SERGEF: variants seen among roughly 807,000 people sequenced by gnomAD.
SERGEF encodes the protein secretion regulating guanine nucleotide exchange factor.
SERGEF carries 51 observed loss-of-function variants against 50.0 expected under a neutral mutation model. The observed-to-expected ratio is 1.02, with a 90% CI of 0.81 to 1.29. SERGEF has a LOEUF of 1.29. SERGEF is among the 50% of genes most tolerant of loss of function. The pLI, the probability that SERGEF is intolerant of heterozygous loss-of-function variation, is 0.00. For synonymous variants in SERGEF, 205 were observed against 212.4 expected (o/e 0.97, Z 0.30); for missense variants, 521 against 557.0 (o/e 0.94, Z 0.65).
intron 8 of SERGEF, among the ~76,000 whole-genome samples, chr11:17,964,660 G>A (rs1237067406): frequency 2.0e-5 from 3 of 152,150 alleles, no homozygotes; most frequent in African/African-American, 7.2e-5. Context: ...TAATATTCCA[G>A]GATGTTACAA....
intron 8 of SERGEF, among the ~76,000 whole-genome samples, chr11:17,986,864 G>A (rs932367861): frequency 9.9e-5 from 15 of 152,150 alleles, no homozygotes; most frequent in Admixed American, 6.5e-5. Flanking sequence ...ATCTCATACT[G>A]GAATGTAGTA....
At chr11:17,794,762 T>C (rs924743198) in intron 10 of SERGEF, among the ~76,000 whole-genome samples, 6 of 152,224 alleles carry the variant, frequency 3.9e-5, no homozygotes, top group African/African-American at 1.4e-4. Flanking sequence ...ACAGTCTGGC[T>C]CCAGGCCCTC....
chr11:17,810,740 A>G (rs1203245841), intron 10 of SERGEF, among the ~76,000 whole-genome samples: 1 of 152,042 alleles, frequency 6.6e-6, no homozygotes, highest in Non-Finnish European at 1.5e-5. Flanking sequence ...CTCAGGAAAT[A>G]GAATCCTTAA....
intron 5 of SERGEF, 148 bp from the exon 6 acceptor site, chr11:17,996,057 C>T (rs1853831773): frequency 1.5e-6 from 1 of 645,798 alleles, no homozygotes; most frequent in African/African-American, 1.8e-5. Flanking sequence ...TCAAGAGGTC[C>T]TGTAACTGGC....
intron 8 of SERGEF, among the ~76,000 whole-genome samples, chr11:17,981,763 C>G (rs1422733787): frequency 6.6e-6 from 1 of 152,146 alleles, no homozygotes; most frequent in Non-Finnish European, 1.5e-5. Flanking sequence ...TATGGCTGCA[C>G]TCTTCAGGTA....
chr11:17,848,178 C>T (rs1590153674), intron 10 of SERGEF, among the ~76,000 whole-genome samples: 1 of 152,102 alleles, frequency 6.6e-6, no homozygotes. Flanking sequence ...GAGATGGAAA[C>T]AAACAAGAAG....
intron 10 of SERGEF, among the ~76,000 whole-genome samples, chr11:17,859,528 A>G (rs1245760475): frequency 6.6e-6 from 1 of 152,208 alleles, no homozygotes; most frequent in Non-Finnish European, 1.5e-5. Context: ...ATTGTAAAAC[A>G]ATTTCAAGAA....
intron 9 of SERGEF, among the ~76,000 whole-genome samples, chr11:17,906,232 T>C (rs1030365889): frequency 4.6e-5 from 7 of 152,074 alleles, no homozygotes; most frequent in Non-Finnish European, 7.4e-5. Context: ...ACTGAAACAT[T>C]ACCAACCCTT....
At chr11:17,874,267 G>C (rs1481911348) in intron 10 of SERGEF, 1 of 152,212 alleles carries the variant, frequency 6.6e-6, no homozygotes, top group Non-Finnish European at 1.5e-5. Context: ...TCATGATGTC[G>C]ATTTTACAAA....
chr11:17,887,233 ATAAGGCAT>A (rs1034188680), intron 9 of SERGEF, among the ~76,000 whole-genome samples: 93 of 152,330 alleles, frequency 6.1e-4, no homozygotes, highest in African/African-American at 2.2e-3. Flanking sequence ...TTGTTCTTTT[ATAAGGCAT>A]TTGCTTCACC....
chr11:17,862,650 A>G (rs923513632), intron 10 of SERGEF, among the ~76,000 whole-genome samples: 1 of 152,228 alleles, frequency 6.6e-6, no homozygotes, highest in Non-Finnish European at 1.5e-5. Context: ...GACAGCAGTC[A>G]TAGGACAGGT....
chr11:17,829,835 G>T (rs190819041), intron 10 of SERGEF, among the ~76,000 whole-genome samples: 4 of 152,222 alleles, frequency 2.6e-5, no homozygotes, highest in Non-Finnish European at 5.9e-5. Flanking sequence ...CCTAAGTGTT[G>T]GTTTTGAGTA....
intron 9 of SERGEF, among the ~76,000 whole-genome samples, chr11:17,941,786 C>A (rs1452531409): frequency 6.6e-6 from 1 of 152,162 alleles, no homozygotes; most frequent in Non-Finnish European, 1.5e-5. Flanking sequence ...TACATTCTGG[C>A]CATCACTTCT....
chr11:17,918,084 G>A (rs1852081825), intron 9 of SERGEF, among the ~76,000 whole-genome samples: 1 of 152,158 alleles, frequency 6.6e-6, no homozygotes, highest in Non-Finnish European at 1.5e-5. Flanking sequence ...GTAACTTGCT[G>A]AAGGTCACAA....
At position 17,788,169 on chromosome 11, in the gene SERGEF, C is replaced by T. The variant is rs1849419038; in HGVS notation, c.1293G>A (p.Met431Ile). 1.3e-6 allele frequency: 2 copies of T among 1,599,146 alleles called. No homozygotes were observed. Among genetic ancestry groups the T allele is most frequent in the Non-Finnish European group, 1.7e-6 (2 of 1,168,230 alleles). Reference protein sequence around the residue: ...AIEDTESQKAMDKERNWKERQ... With the variant: ...AIEDTESQKAIDKERNWKERQ... Reference sequence around the variant, plus strand: ...TTTCCTTCCAGTTTCTCTCTTTGTCCATGGCTTTCTGAGATTCAGTGTCCT... The same window carrying T: ...TTTCCTTCCAGTTTCTCTCTTTGTCTATGGCTTTCTGAGATTCAGTGTCCT... Residue 431 changes from methionine (M) to isoleucine (I), a missense_variant, in exon 11 of 11, where the codon ATG (methionine) becomes ATA (isoleucine). Transcript: ENST00000265965.
chr11:17,913,948 A>T (rs1852000482), intron 9 of SERGEF, among the ~76,000 whole-genome samples: 1 of 152,236 alleles, frequency 6.6e-6, no homozygotes, highest in South Asian at 2.1e-4. Flanking sequence ...CTTTGATCAC[A>T]TCATTTGATT....
intron 10 of SERGEF, among the ~76,000 whole-genome samples, chr11:17,867,247 T>G (rs1851045741): frequency 6.6e-6 from 1 of 152,264 alleles, no homozygotes; most frequent in Non-Finnish European, 1.5e-5. Flanking sequence ...TAGTTGCTTC[T>G]TAGATACAAT....
intron 8 of SERGEF, among the ~76,000 whole-genome samples, chr11:17,959,948 C>T (rs1166298923): frequency 6.6e-6 from 1 of 152,214 alleles, no homozygotes; most frequent in Non-Finnish European, 1.5e-5. Flanking sequence ...TATACTTCAA[C>T]CATGCTTTAT....
intron 10 of SERGEF, among the ~76,000 whole-genome samples, chr11:17,877,188 T>C (rs953468740): frequency 2.6e-5 from 4 of 152,186 alleles, no homozygotes; most frequent in African/African-American, 9.7e-5. Flanking sequence ...AGTTCAAAGT[T>C]AGAAGCTAGG....
Sources: gnomAD v4.1 joint callset for allele counts (sites outside exome capture counted in the v4.1 genomes callset) on GRCh38, gnomAD v4.1.1 for gene constraint, MANE v1.5 for transcripts, NCBI Gene and HGNC (gene_info 2026-07-23, HGNC 2026-07-21) for gene names.